TLE6: variants seen among roughly 807,000 people sequenced by gnomAD.
TLE6 encodes the protein TLE family member 6, subcortical maternal complex member, also known as transducin-like enhancer protein 6.
In TLE6, 72 loss-of-function variants were observed where a neutral mutation model predicts 77.1. The ratio of observed to expected loss-of-function variants is 0.93; its 90% CI spans 0.77 to 1.14. TLE6 has a LOEUF of 1.14. Ranked by LOEUF, TLE6 falls within the 50% of genes most tolerant of loss-of-function variation. The probability of loss-of-function intolerance (pLI) is 0.00; values close to 1 mark genes in which losing one functional copy is unlikely to be tolerated. For synonymous variants in TLE6, 366 were observed against 287.3 expected, an observed-to-expected ratio of 1.27 and a Z score of -2.77; for missense variants, 843 against 747.6, an observed-to-expected ratio of 1.13 and a Z score of -1.49.
chr19:2,977,768 C>G (rs930864854), intron 1 of TLE6, 158 bp downstream of exon 1: 1 of 158,138 alleles, frequency 6.3e-6, no homozygotes, highest in Non-Finnish European at 1.4e-5. Context: ...GTCGTTTCTT[C>G]TGTCTGATGA....
In TLE6 at chr19:2,991,063, T is replaced by C. The variant is rs562571983; in HGVS notation, c.1245-780T>C. The stretch of plus-strand genomic sequence containing the variant: ...ATACATATATGTATACACACACACA[T>C]ATTAAATATATGTAAATAGGCTGGG... On this transcript the variant is annotated intron_variant, in intron 13 of 16. Transcript: ENST00000246112. Among the ~76,000 whole-genome samples the C allele has an allele frequency of 5.1e-4, 75 of 145,744 alleles. 1 individual carries two copies. The highest frequency in any genetic ancestry group is 8.3e-4 in the Non-Finnish European group (55 of 65,964).
rs1410956466 is a variant in TLE6, at chr19:2,987,772, T to A, written c.607T>A (p.Cys203Ser). 6.2e-7 allele frequency: 1 copy of A among 1,614,108 alleles called. No homozygotes were observed. Among genetic ancestry groups the A allele is most frequent in the Non-Finnish European group, 8.5e-7 (1 of 1,180,016 alleles). The change falls in exon 9 of 17, where the codon TGT (cysteine) becomes AGT (serine). Residue 203 changes from cysteine (C) to serine (S), a missense_variant. Transcript: ENST00000246112. ...PGSCDPGTDP[C>S]PEDASTPRPP... Reference sequence around the variant, plus strand: ...ATCCTGTGACCCAGGAACAGACCCATGTCCTGAAGATGCCTCCAGTAATCC... The same window carrying A: ...ATCCTGTGACCCAGGAACAGACCCAAGTCCTGAAGATGCCTCCAGTAATCC...
chr19:2,994,796 C>T (rs1431105098), intron 16 of TLE6, 104 bp from the exon 17 acceptor site: 1 of 661,736 alleles, frequency 1.5e-6, no homozygotes. Context: ...AGAGCAAGAC[C>T]CTGTCTTTCT....
chr19:2,981,294 A>C (rs369959101), intron 3 of TLE6, among the ~76,000 whole-genome samples: 107 of 149,128 alleles, frequency 7.2e-4, no homozygotes, highest in African/African-American at 2.6e-3. Context: ...CAGGAGGCGG[A>C]GGTTGCAGTG....
chr19:2,988,562 C>T (rs190409611), intron 11 of TLE6, among the ~76,000 whole-genome samples: 37 of 152,190 alleles, frequency 2.4e-4, no homozygotes, highest in African/African-American at 7.2e-4. Context: ...CGCGCCACTG[C>T]ACTCCAGCCT....
chr19:2,987,497 C>T lies in TLE6; in HGVS notation c.558+125C>T, dbSNP rs1331226572. On this transcript the variant is annotated intron_variant, in intron 8 of 16. Transcript: ENST00000246112. ...TCCTTCCATCCTGCCCCTCGGGTCC[C>T]CCGGGGGGGACTTGGGTGATCCAGG... 2.2e-5 allele frequency: 31 copies of T among 1,429,190 alleles called. No individual in the cohort carries two copies. In the East Asian group the frequency reaches 7.1e-4, roughly 33 times the overall value. 88.5% of individuals were successfully genotyped at this position (1,429,190 alleles called of 1,614,324 possible).
rs1487334518 is a variant in TLE6, at chr19:2,992,793, A to ACGGGG, written c.1387-639_1387-638insCGGGG. The stretch of plus-strand genomic sequence containing the variant: ...AGACCCTGTCTCAAAAAAAAAAAAA[A>ACGGGG]GGGGGGGAGGCGGGTGGGGGGGGGG... On this transcript the variant is annotated intron_variant, in intron 14 of 16. Coordinates refer to ENST00000246112, the MANE Select transcript of TLE6 (RefSeq NM_001143986.2). 1.6e-3 allele frequency among the ~76,000 whole-genome samples: 31 copies of ACGGGG among 19,748 alleles called. 6 individuals carry two copies. Among genetic ancestry groups the ACGGGG allele is most frequent in the African/African-American group, 7.2e-3 (28 of 3,874 alleles). The allele number at this position is 19,748 out of a possible 152,430, so 13.0% of individuals were successfully genotyped here.
At chr19:2,989,482 C>A in intron 12 of TLE6, 53 bp from the exon 13 acceptor site, 1 of 1,584,356 alleles carries the variant, frequency 6.3e-7, no homozygotes, top group South Asian at 1.2e-5. Flanking sequence ...GCAAAGCAGT[C>A]CAGGCAGAAT....
At chr19:2,988,644 G>A (rs1031652429) in intron 11 of TLE6, among the ~76,000 whole-genome samples, 5 of 152,086 alleles carry the variant, frequency 3.3e-5, no homozygotes, top group African/African-American at 1.2e-4. Context: ...CCCAACACTG[G>A]GCTCAAGGCA....
At chr19:2,990,545 G>A (rs997077056) in intron 13 of TLE6, among the ~76,000 whole-genome samples, 49 of 150,046 alleles carry the variant, frequency 3.3e-4, no homozygotes, top group Non-Finnish European at 5.6e-4. Context: ...CGGAGCTTGC[G>A]GTGAGCCGAG....
chr19:2,993,026 TAAAAA>T (rs377287142), intron 14 of TLE6, among the ~76,000 whole-genome samples: 26 of 48,348 alleles, frequency 5.4e-4, no homozygotes, highest in Admixed American at 8.2e-4. Flanking sequence ...CCGTCTCTAC[TAAAAA>T]AAAAAAAAAA....
In TLE6 at chr19:2,980,333, C is replaced by T. The variant is rs761264383; in HGVS notation, c.134+151C>T. 3 of 508,776 alleles carry T rather than the reference C, an allele frequency of 5.9e-6. No homozygotes were observed. In the East Asian group the frequency reaches 1.0e-4, roughly 17 times the overall value. 31.5% of individuals were successfully genotyped at this position (508,776 alleles called of 1,614,324 possible). On this transcript the variant is annotated intron_variant, in intron 3 of 16. Transcript: ENST00000246112. Reference sequence around the variant, plus strand: ...CCATGCAGATACCCAGCATGGAGAACCCGGCAATACCCATCCCAGCTTTTG... The same window carrying T: ...CCATGCAGATACCCAGCATGGAGAATCCGGCAATACCCATCCCAGCTTTTG...
At chr19:2,980,018 T>A in intron 2 of TLE6, 82 bp from the exon 3 acceptor site, 3 of 1,001,438 alleles carry the variant, frequency 3.0e-6, no homozygotes, top group South Asian at 1.4e-5. Context: ...ACCTAATGCC[T>A]ATGCCATGTT....
Position 2,986,843 on chromosome 19 carries a change from A to C in TLE6, c.237A>C (p.Leu79Phe). The change falls in exon 6 of 17, where the codon TTA becomes TTC. Residue 79 changes from leucine (L) to phenylalanine (F), a missense_variant. Leu to Phe is a conservative substitution (Grantham distance 22). Coordinates refer to ENST00000246112, the MANE Select transcript of TLE6 (RefSeq NM_001143986.2). ...AEHHKQIGNV[L>F]QIVESCSQLQ... ...CCTCCTTCTAGATAGGAAACGTCTTACAGATTGTGGAGAGCTGCAGCCAAC... is the reference window on the plus strand; with the variant it reads ...CCTCCTTCTAGATAGGAAACGTCTTCCAGATTGTGGAGAGCTGCAGCCAAC... 1 of 1,551,728 alleles carries C rather than the reference A, an allele frequency of 6.4e-7. No homozygotes were observed. Among genetic ancestry groups the C allele is most frequent in the Non-Finnish European group, 8.7e-7 (1 of 1,146,988 alleles).
rs2089156644 is a variant in TLE6, at chr19:2,994,225, C to T, written c.1614+130C>T. 1.1e-5 allele frequency: 8 copies of T among 729,088 alleles called. 1 individual carries two copies. The South Asian group carries it at 1.3e-4, about 12-fold the overall frequency. The allele number at this position is 729,088 out of a possible 1,614,324, so 45.2% of individuals were successfully genotyped here. On this transcript the variant is annotated intron_variant, in intron 16 of 16. Coordinates refer to ENST00000246112, the MANE Select transcript of TLE6 (RefSeq NM_001143986.2). ...GTGTGGTGGCTCACGGCTTTAATCC[C>T]AGCATTTTGGGAGGCTGAGGCAGGA...
intron 14 of TLE6, among the ~76,000 whole-genome samples, chr19:2,992,474 A>G (rs919284256): frequency 6.6e-6 from 1 of 151,978 alleles, no homozygotes; most frequent in African/African-American, 2.4e-5. Flanking sequence ...CTCTGTCTCA[A>G]AAACAAATGA....
intron 8 of TLE6, 107 bp from the exon 9 acceptor site, chr19:2,987,617 A>G (rs2145043971): frequency 7.5e-7 from 1 of 1,332,190 alleles, no homozygotes. Flanking sequence ...ACCCGCAGAC[A>G]GGACCCCAGG....
At chr19:2,991,427 T>TAC (rs1479991855) in intron 13 of TLE6, among the ~76,000 whole-genome samples, 1 of 132,702 alleles carries the variant, frequency 7.5e-6, no homozygotes, top group African/African-American at 3.0e-5. Context: ...CACACACACA[T>TAC]ATATATAATA....
rs143096629 is a variant in TLE6, at chr19:2,994,080, G to T, written c.1599G>T (p.Gly533=). The change falls in exon 16 of 17, where the codon GGG becomes GGT. Residue 533 remains glycine (G), a synonymous_variant. Transcript: ENST00000246112. ...DFLGVYSMPA[G]TKVFEVPEMS... ...TTGGCGTCTACAGCATGCCGGCGGG[G>T]ACAAAAGTGTTCGAGGTACTGCGGT... 6.2e-7 allele frequency: 1 copy of T among 1,603,980 alleles called. No homozygotes were observed. The highest frequency in any genetic ancestry group is 1.7e-5 in the Admixed American group (1 of 57,896).
Sources: allele counts gnomAD v4.1 joint callset (sites outside exome capture counted in the v4.1 genomes callset), GRCh38; gene constraint gnomAD v4.1.1; transcripts MANE v1.5; gene names NCBI Gene and HGNC (gene_info 2026-07-23, HGNC 2026-07-21).